UPF2: variants seen among roughly 807,000 people sequenced by gnomAD.
UPF2 encodes UPF2 regulator of nonsense mediated mRNA decay, also known as regulator of nonsense transcripts 2.
A neutral mutation model predicts 141.4 loss-of-function variants in UPF2; 17 were observed. The ratio of observed to expected loss-of-function variants is 0.12; its 90% CI spans 0.08 to 0.18. UPF2 has a LOEUF of 0.18. UPF2 is among the 10% of genes least tolerant of loss of function. UPF2 has a pLI of 1.00. For missense variants in UPF2, 1,152 were observed against 1,515.9 expected, an observed-to-expected ratio of 0.76 and a Z score of 3.99; for synonymous variants, 540 against 498.0, an observed-to-expected ratio of 1.08 and a Z score of -1.12.
chr10:12,032,297 CAA>C (rs56170503), intron 2 of UPF2, among the ~76,000 whole-genome samples: 11 of 113,754 alleles, frequency 9.7e-5, no homozygotes, highest in Admixed American at 1.8e-4. Flanking sequence ...AACTCTGTCT[CAA>C]AAAAAAAAAA....
intron 18 of UPF2, among the ~76,000 whole-genome samples, 169 bp downstream of exon 18, chr10:11,942,495 GT>G (rs1832948835): frequency 6.6e-6 from 1 of 152,204 alleles, no homozygotes; most frequent in Non-Finnish European, 1.5e-5. Flanking sequence ...AAATCAGGAT[GT>G]GGGATACAAG....
rs202177728 is a variant in UPF2, at chr10:11,956,826, TC to T, written c.2371-304del. Among the ~76,000 whole-genome samples, 22 of 152,160 alleles carry T rather than the reference TC, an allele frequency of 1.4e-4. No homozygotes were observed. The highest frequency in any genetic ancestry group is 3.4e-3 in the Middle Eastern group (1 of 294). Reference sequence around the variant, plus strand: ...TCCAATCAGGAGTTTGGAGTAGGTTTCTTTTTCCCCCCCAGACACAGTCTCA... The same window carrying T: ...TCCAATCAGGAGTTTGGAGTAGGTTTTTTTTCCCCCCCAGACACAGTCTCA... On this transcript the variant is annotated intron_variant, in intron 12 of 21. Transcript: ENST00000357604. The surrounding 1 kb of genome is among the most constrained non-coding windows in gnomAD (Gnocchi z 4.2).
In UPF2 at chr10:11,952,320, AT is replaced by A. The variant is rs1321423574; in HGVS notation, c.2851-72del. 5 of 1,358,178 alleles carry A rather than the reference AT, an allele frequency of 3.7e-6. No individual in the cohort carries two copies. The African/African-American group carries it at 7.4e-5, about 20-fold the overall frequency. 84.1% of individuals were successfully genotyped at this position (1,358,178 alleles called of 1,614,324 possible). A position where few individuals can be genotyped will look rare whatever the true frequency, so the allele number is the denominator to read the frequency against. The stretch of plus-strand genomic sequence containing the variant: ...AAAATATTTTAAAATAATAAACTAT[AT>A]TGTGCTGTTTCCCAGTTATAACTAC... On this transcript the variant is annotated intron_variant, in intron 14 of 21. Transcript: ENST00000357604.
At position 12,028,774 on chromosome 10, in the gene UPF2, C is replaced by T; in HGVS notation, c.1116G>A (p.Arg372=). Residue 372 remains arginine, a synonymous_variant, in exon 3 of 22, where the codon AGG becomes AGA. Transcript: ENST00000357604. ...TTTGTCTCTCAGTATTCTGGAGCTC[C>T]CTGTGGTCCCTTTTCAGGTGTTTGG... ...SLTKHLKRDH[R]ELQNTERQNR... is the part of the protein sequence containing the mutation. 1 of 1,609,134 alleles carries T rather than the reference C, an allele frequency of 6.2e-7. No homozygotes were observed. The highest frequency in any genetic ancestry group is 1.7e-4 in the Middle Eastern group (1 of 6,036).
Position 12,024,998 on chromosome 10 carries a change from T to C in UPF2, c.1145+3747A>G, listed in dbSNP as rs540954779. The stretch of plus-strand genomic sequence containing the variant: ...ATGACTGGGAGGGACAAAATGATCA[T>C]TTTAGCAGAACACCATAATGTACCC... On this transcript the variant is annotated intron_variant, in intron 3 of 21. Transcript: ENST00000357604. Among the ~76,000 whole-genome samples, 647 of 148,976 alleles carry C rather than the reference T, an allele frequency of 4.3e-3. 3 individuals carry two copies. Among genetic ancestry groups the C allele is most frequent in the Middle Eastern group, 0.018 (5 of 282 alleles).
chr10:11,964,294 T>G (rs545492479), intron 10 of UPF2, among the ~76,000 whole-genome samples, 169 bp from the exon 11 acceptor site: 1 of 152,348 alleles, frequency 6.6e-6, no homozygotes, highest in East Asian at 1.9e-4. Flanking sequence ...TAATTTTTAT[T>G]GAAAAACTTC....
rs139074605 is a variant in UPF2, at chr10:11,931,372, G to A, written c.3688+269C>T. Among the ~76,000 whole-genome samples, 318 of 152,278 alleles carry A rather than the reference G, an allele frequency of 2.1e-3. 2 individuals are homozygous for A. The highest frequency in any genetic ancestry group is 7.3e-3 in the African/African-American group (302 of 41,556). On this transcript the variant is annotated intron_variant, in intron 20 of 21. Transcript: ENST00000357604. The surrounding 1 kb of genome is among the most constrained non-coding windows in gnomAD (Gnocchi z 5.9). ...TTGTTAAATGAATCTGCACACAACT[G>A]GCTGGCAATGTGAAGCAATTAAAAA...
At chr10:11,952,537 C>T (rs951278736) in intron 14 of UPF2, among the ~76,000 whole-genome samples, 3 of 145,254 alleles carry the variant, frequency 2.1e-5, no homozygotes, top group African/African-American at 7.7e-5. Flanking sequence ...TGCAGTGGCG[C>T]CATCTCAGCT....
intron 9 of UPF2, among the ~76,000 whole-genome samples, chr10:11,976,170 T>C (rs1398855594): frequency 6.6e-6 from 1 of 152,208 alleles, no homozygotes; most frequent in East Asian, 1.9e-4. Context: ...TAACTGCCAG[T>C]GACATTTCAT....
chr10:11,990,956 T>C (rs7095790), intron 8 of UPF2, among the ~76,000 whole-genome samples: 143,564 of 147,966 alleles, frequency 0.97, 69,793 homozygotes, highest in Middle Eastern at 1. Flanking sequence ...CCACTGCACT[T>C]CAGCGCTTGA....
Position 11,942,581 on chromosome 10 carries a change from G to A in UPF2, c.3378+84C>T. 3 of 1,217,474 alleles carry A rather than the reference G, an allele frequency of 2.5e-6. No homozygotes were observed. In the South Asian group the frequency reaches 3.9e-5, roughly 16 times the overall value. The allele number at this position is 1,217,474 out of a possible 1,614,324, so 75.4% of individuals were successfully genotyped here. On this transcript the variant is annotated intron_variant, in intron 18 of 21. Coordinates refer to ENST00000357604, the MANE Select transcript of UPF2 (RefSeq NM_015542.4). ...TGCTGCAGAAGAGACACTTAGATAG[G>A]AGAGGCCTTCACATGAACCAGAATG...
At chr10:11,994,891 G>T (rs1833839500) in intron 8 of UPF2, among the ~76,000 whole-genome samples, 1 of 148,936 alleles carries the variant, frequency 6.7e-6, no homozygotes, top group African/African-American at 2.5e-5. Context: ...CAGGAGAATG[G>T]CGTGAACCTG....
chr10:12,012,747 A>G (rs1425642154), intron 4 of UPF2, among the ~76,000 whole-genome samples: 2 of 151,514 alleles, frequency 1.3e-5, no homozygotes, highest in Non-Finnish European at 2.9e-5. Context: ...TGCAGTGAGC[A>G]GAGACCGCAC....
In UPF2 at chr10:11,956,279, A is replaced by G; in HGVS notation, c.2574+41T>C. On this transcript the variant is annotated intron_variant, in intron 13 of 21. Transcript: ENST00000357604. This position sits in a 1 kb window ranked among gnomAD's most constrained non-coding sequence, Gnocchi z 4.2. ...GTAACCTAGAAATAATAAATTCTCC[A>G]CGAATTCCAGTTGTGTGACATTAAA... 6.3e-7 allele frequency: 1 copy of G among 1,576,550 alleles called. No homozygotes were observed. The highest frequency in any genetic ancestry group is 8.7e-7 in the Non-Finnish European group (1 of 1,146,242).
intron 4 of UPF2, 102 bp from the exon 5 acceptor site, chr10:12,004,829 G>T: frequency 1.8e-6 from 2 of 1,140,558 alleles, no homozygotes; most frequent in Non-Finnish European, 2.4e-6. Context: ...TGAATCTTGA[G>T]TGTTTCAACT....
rs1389272907 is a variant in UPF2 at position 11,955,244 on chromosome 10, A to G, written c.2838T>C (p.Leu946=). 3.1e-6 allele frequency: 5 copies of G among 1,590,642 alleles called. No individual in the cohort carries two copies. Residue 946 remains leucine, a synonymous_variant, in exon 14 of 22, where the codon CTT becomes CTC. Transcript: ENST00000357604. ...TCAGCTTATATACCTGAAAATATAC[A>G]AGGAAACAATCAAGTTTTCGTTTAC... ...GSSKRKLDCF[L]VYFQRYVWWK...
At position 12,034,388 on chromosome 10, in the gene UPF2, T is replaced by C. The variant is rs181974926; in HGVS notation, c.365+671A>G. On this transcript the variant is annotated intron_variant, in intron 2 of 21. Coordinates refer to ENST00000357604, the MANE Select transcript of UPF2 (RefSeq NM_015542.4). ...CCCAGGCAGGAGTGCAGTGGCACAG[T>C]CTTGGCTCACTGCAACCTCCACCTG... Among the ~76,000 whole-genome samples, 585 of 152,066 alleles carry C rather than the reference T, an allele frequency of 3.8e-3. 2 individuals carry two copies. The highest frequency in any genetic ancestry group is 0.014 in the African/African-American group (562 of 41,456).
At position 11,931,870 on chromosome 10, in the gene UPF2, G is replaced by T; in HGVS notation, c.3547-88C>A. 6.9e-7 allele frequency: 1 copy of T among 1,451,856 alleles called. No individual in the cohort carries two copies. The highest frequency in any genetic ancestry group is 9.2e-7 in the Non-Finnish European group (1 of 1,081,778). 89.9% of individuals were successfully genotyped at this position (1,451,856 alleles called of 1,614,324 possible). A position where few individuals can be genotyped will look rare whatever the true frequency, so the allele number is the denominator to read the frequency against. Reference sequence around the variant, plus strand: ...ACTTCAAATAAAATAGCAAGTACAGGCTGGGCACGGTGGCTCACGCCTGTA... The same window carrying T: ...ACTTCAAATAAAATAGCAAGTACAGTCTGGGCACGGTGGCTCACGCCTGTA... On this transcript the variant is annotated intron_variant, in intron 19 of 21. Transcript: ENST00000357604. This position sits in a 1 kb window ranked among gnomAD's most constrained non-coding sequence, Gnocchi z 5.9.
At position 12,014,263 on chromosome 10, in the gene UPF2, T is replaced by C. The variant is rs1405819741; in HGVS notation, c.1146-79A>G. Reference sequence around the variant, plus strand: ...ATTGTTATATATGGGAAACATTCCATAATTTGATTTTCTCATACAAATTTA... The same window carrying C: ...ATTGTTATATATGGGAAACATTCCACAATTTGATTTTCTCATACAAATTTA... On this transcript the variant is annotated intron_variant, in intron 3 of 21. Transcript: ENST00000357604. This position sits in a 1 kb window ranked among gnomAD's most constrained non-coding sequence, Gnocchi z 5.0. 10 of 1,258,752 alleles carry C rather than the reference T, an allele frequency of 7.9e-6. No individual in the cohort carries two copies. Among genetic ancestry groups the C allele is most frequent in the Non-Finnish European group, 1.0e-5 (10 of 982,130 alleles). The allele number at this position is 1,258,752 out of a possible 1,614,324, so 78.0% of individuals were successfully genotyped here.
Sources: gnomAD v4.1 joint callset for allele counts (sites outside exome capture counted in the v4.1 genomes callset) on GRCh38, gnomAD v4.1.1 for gene constraint, Gnocchi (gnomAD v3.1) non-coding constraint, MANE v1.5 for transcripts, NCBI Gene and HGNC (gene_info 2026-07-23, HGNC 2026-07-21) for gene names.